Variants in USP15 observed in about 807,000 individuals in gnomAD.
The protein encoded by USP15 is ubiquitin specific peptidase 15, also known as ubiquitin carboxyl-terminal hydrolase 15.
Under a neutral mutation model 127.1 loss-of-function variants are expected in USP15, and 18 were observed. The observed-to-expected ratio is 0.14, with a 90% CI of 0.10 to 0.21. The LOEUF (loss-of-function observed/expected upper bound fraction) is 0.21, where lower values mean the gene tolerates loss of function less well. USP15 is among the 10% of genes least tolerant of loss of function. USP15 has a pLI of 1.00. For synonymous variants in USP15, 364 were observed against 393.7 expected (o/e 0.92, Z 0.89); for missense variants, 805 against 1,159.9 (o/e 0.69, Z 4.44).
intron 19 of USP15, among the ~76,000 whole-genome samples, chr12:62,395,532 A>G (rs1421414970): frequency 1.3e-5 from 2 of 151,774 alleles, no homozygotes; most frequent in Non-Finnish European, 2.9e-5. Flanking sequence ...TTTTAAATGT[A>G]TAATTAAGTT....
At position 62,288,344 on chromosome 12, in the gene USP15, C is replaced by CTTTTTTTT. The variant is rs34110065; in HGVS notation, c.90-5823_90-5816dup. 1.3e-4 allele frequency among the ~76,000 whole-genome samples: 15 copies of CTTTTTTTT among 114,416 alleles called. 1 individual carries two copies. The highest frequency in any genetic ancestry group is 1.9e-4 in the Non-Finnish European group (11 of 58,192). 75.1% of individuals were successfully genotyped at this position (114,416 alleles called of 152,430 possible). On this transcript the variant is annotated intron_variant, in intron 1 of 21. Coordinates refer to ENST00000280377, the MANE Select transcript of USP15 (RefSeq NM_001252078.2). Reference sequence around the variant, plus strand: ...ATTAGATGTGTTCCCTGGCATTTTACTTTTTTTTTTTTTTTTTTTGGTAGC... The same window carrying CTTTTTTTT: ...ATTAGATGTGTTCCCTGGCATTTTACTTTTTTTTTTTTTTTTTTTTTTTTTTTGGTAGC...
intron 3 of USP15, among the ~76,000 whole-genome samples, chr12:62,307,701 C>T (rs954582410): frequency 1.3e-5 from 2 of 152,058 alleles, no homozygotes; most frequent in Non-Finnish European, 1.5e-5. Context: ...TGATGCCATC[C>T]CACTCCATGT....
At chr12:62,371,588 G>A (rs2066670293) in intron 8 of USP15, among the ~76,000 whole-genome samples, 1 of 152,070 alleles carries the variant, frequency 6.6e-6, no homozygotes, top group Admixed American at 6.6e-5. Flanking sequence ...TTATATGAGT[G>A]TTTTTAATTT....
At chr12:62,336,313 C>A in intron 6 of USP15, 1 of 985,386 alleles carries the variant, frequency 1.0e-6, no homozygotes. Context: ...TAAACCAAAT[C>A]TTTTTACCCC....
At position 62,412,396 on chromosome 12, in the gene USP15, C is replaced by G. The variant is rs371646213; in HGVS notation, c.*8021C>G. 1 of 152,290 alleles carries G rather than the reference C, an allele frequency of 6.6e-6. No homozygotes were observed. Among genetic ancestry groups the G allele is most frequent in the Non-Finnish European group, 1.5e-5 (1 of 68,124 alleles). The allele number at this position is 152,290 out of a possible 1,614,324, so 9.4% of individuals were successfully genotyped here. ...TAGTGAAGTTTGCTTCATCAATTGACTCTTCCTTTTACAAGAGATTTCTCT... is the reference window on the plus strand; with the variant it reads ...TAGTGAAGTTTGCTTCATCAATTGAGTCTTCCTTTTACAAGAGATTTCTCT... On this transcript the variant is annotated 3_prime_UTR_variant, in exon 22 of 22. Coordinates refer to ENST00000280377, the MANE Select transcript of USP15 (RefSeq NM_001252078.2).
intron 1 of USP15, among the ~76,000 whole-genome samples, chr12:62,269,096 C>T (rs1001754863): frequency 2.0e-5 from 3 of 152,046 alleles, no homozygotes; most frequent in Admixed American, 6.6e-5. Context: ...ATTTTTACTG[C>T]TGAATGATAC....
At chr12:62,273,873 A>T (rs2063407372) in intron 1 of USP15, among the ~76,000 whole-genome samples, 1 of 152,102 alleles carries the variant, frequency 6.6e-6, no homozygotes, top group Non-Finnish European at 1.5e-5. Flanking sequence ...AGTAAAGTGG[A>T]TTGTTAGAAA....
rs373791610 is a variant in USP15 at position 62,384,318 on chromosome 12, G to A, written c.1473+16G>A. ...ACCTATGCAGGTAAATCATGGGTTG[G>A]TTTGTTTTGTTTTTTTTTTTTTTTT... On this transcript the variant is annotated intron_variant, in intron 11 of 21. Coordinates refer to ENST00000280377, the MANE Select transcript of USP15 (RefSeq NM_001252078.2). The A allele has an allele frequency of 2.1e-4, 275 of 1,296,486 alleles. No individual in the cohort carries two copies. In the African/African-American group the frequency reaches 5.7e-3, roughly 27 times the overall value. 80.3% of individuals were successfully genotyped at this position (1,296,486 alleles called of 1,614,324 possible).
rs368865349 is a variant in USP15 at position 62,349,122 on chromosome 12, T to C, written c.684-99T>C. 56 of 664,476 alleles carry C rather than the reference T, an allele frequency of 8.4e-5. 1 individual carries two copies. The South Asian group carries it at 2.0e-3, about 23-fold the overall frequency. 41.2% of individuals were successfully genotyped at this position (664,476 alleles called of 1,614,324 possible). A position where few individuals can be genotyped will look rare whatever the true frequency, so the allele number is the denominator to read the frequency against. ...TTGCTCATAAATCTATTTTTCAGCA[T>C]TCATTTACTACAAACATTGTCATCT... On this transcript the variant is annotated intron_variant, in intron 6 of 21. Coordinates refer to ENST00000280377, the MANE Select transcript of USP15 (RefSeq NM_001252078.2).
chr12:62,342,521 G>T (rs1294136995), intron 6 of USP15, among the ~76,000 whole-genome samples: 1 of 152,150 alleles, frequency 6.6e-6, no homozygotes, highest in East Asian at 1.9e-4. Flanking sequence ...TTTTGTGCTG[G>T]TTTATCCTCA....
chr12:62,402,166 T>C (rs1300357622), intron 21 of USP15, among the ~76,000 whole-genome samples: 1 of 151,910 alleles, frequency 6.6e-6, no homozygotes, highest in African/African-American at 2.4e-5. Context: ...CTTGTTTATA[T>C]ATAGTATACA....
In USP15 at chr12:62,316,948, A is replaced by G. The variant is rs375230964; in HGVS notation, c.475+2032A>G. 3.3e-5 allele frequency among the ~76,000 whole-genome samples: 5 copies of G among 152,144 alleles called. No individual in the cohort carries two copies. The East Asian group carries it at 5.8e-4, about 18-fold the overall frequency. ...AGATAAATTGGATATGTACTTTAAC[A>G]TTATATATGAACCCAATTTTTGCAT... On this transcript the variant is annotated intron_variant, in intron 4 of 21. Transcript: ENST00000280377.
intron 8 of USP15, among the ~76,000 whole-genome samples, chr12:62,361,651 A>C (rs1592667854): frequency 1.3e-5 from 2 of 152,092 alleles, no homozygotes; most frequent in East Asian, 3.9e-4. Context: ...ATTAAAAGCA[A>C]AACAAAAGAA....
intron 1 of USP15, chr12:62,279,083 A>G (rs904281998): frequency 1.3e-5 from 2 of 152,126 alleles, no homozygotes; most frequent in East Asian, 3.9e-4. Flanking sequence ...AACTATAGGC[A>G]CAATATTGTA....
intron 8 of USP15, among the ~76,000 whole-genome samples, chr12:62,358,550 A>G (rs2066212087): frequency 6.6e-6 from 1 of 152,120 alleles, no homozygotes; most frequent in Non-Finnish European, 1.5e-5. Context: ...GCTCATCTCT[A>G]CTAAAAAATA....
In USP15 at chr12:62,314,929, C is replaced by T. The variant is rs763172433; in HGVS notation, c.475+13C>T. On this transcript the variant is annotated intron_variant, in intron 4 of 21. Transcript: ENST00000280377. ...GCTGACACAATAGGTAATGCAAGAT[C>T]CTGTCTTGTTTTTAATCCATTGCTA... 1.7e-5 allele frequency: 26 copies of T among 1,554,218 alleles called. No homozygotes were observed. Among genetic ancestry groups the T allele is most frequent in the Non-Finnish European group, 2.3e-5 (26 of 1,150,840 alleles).
intron 8 of USP15, among the ~76,000 whole-genome samples, chr12:62,379,596 T>C (rs375541378): frequency 5.3e-5 from 8 of 152,252 alleles, no homozygotes; most frequent in African/African-American, 1.9e-4. Context: ...TTGGTTCTTT[T>C]GAGATATTTG....
intron 2 of USP15, among the ~76,000 whole-genome samples, chr12:62,296,963 A>G (rs559502312): frequency 4.0e-4 from 61 of 152,278 alleles, no homozygotes; most frequent in Middle Eastern, 3.4e-3. Flanking sequence ...CATAGTTCTG[A>G]TGCCTGGGGG....
chr12:62,261,789 A>C (rs2063068342), intron 1 of USP15, among the ~76,000 whole-genome samples: 2 of 152,330 alleles, frequency 1.3e-5, no homozygotes, highest in South Asian at 4.1e-4. Flanking sequence ...AATAGGTGGC[A>C]GACTTAGGAC....
Sources: gnomAD v4.1 joint callset for allele counts (sites outside exome capture counted in the v4.1 genomes callset) on GRCh38, gnomAD v4.1.1 for gene constraint, MANE v1.5 for transcripts, NCBI Gene and HGNC (gene_info 2026-07-23, HGNC 2026-07-21) for gene names.